Variants in FERMT1 observed in about 807,000 individuals in gnomAD.
FERMT1 encodes fermitin family homolog 1.
Under a neutral mutation model 85.3 loss-of-function variants are expected in FERMT1, and 60 were observed. The ratio of observed to expected loss-of-function variants is 0.70; its 90% CI spans 0.57 to 0.87. FERMT1 has a LOEUF of 0.87. FERMT1 is among the 40% of genes least tolerant of loss of function. FERMT1 has a pLI of 0.00. For synonymous variants in FERMT1, 275 were observed against 301.1 expected (o/e 0.91, Z 0.90); for missense variants, 701 against 818.9 (o/e 0.86, Z 1.76).
At chr20:6,112,743 C>T in intron 3 of FERMT1, 120 bp from the exon 4 acceptor site, 2 of 669,816 alleles carry the variant, frequency 3.0e-6, no homozygotes, top group Non-Finnish European at 4.8e-6. Flanking sequence ...GTAAATGGGA[C>T]TAAACTGCAT....
rs200769383 is a variant in FERMT1 at position 6,084,071 on chromosome 20, G to A, written c.1687C>T (p.Pro563Ser). The A allele has an allele frequency of 5.0e-6, 8 of 1,614,128 alleles. No individual in the cohort carries two copies. The South Asian group carries it at 7.7e-5, about 16-fold the overall frequency. ...AGGTAGTAGGTGAGGCCAAACTCAG[G>A]CAGTGACTGCCACGCCTGGATGAAC... ...LRFIQAWQSL[P>S]EFGLTYYLVR... Residue 563 changes from proline (P) to serine (S), a missense_variant, in exon 13 of 15, where the codon CCT becomes TCT. Coordinates refer to ENST00000217289, the MANE Select transcript of FERMT1 (RefSeq NM_017671.5).
intron 6 of FERMT1, among the ~76,000 whole-genome samples, chr20:6,102,263 T>A (rs1174694985): frequency 6.6e-6 from 1 of 152,098 alleles, no homozygotes; most frequent in Non-Finnish European, 1.5e-5. Flanking sequence ...CCTATAGGAC[T>A]TCCCCCCAAT....
intron 2 of FERMT1, among the ~76,000 whole-genome samples, chr20:6,116,729 CA>C (rs58183881): frequency 4.4e-4 from 62 of 140,840 alleles, no homozygotes; most frequent in South Asian, 4.6e-4. Context: ...ATCTCTGTCT[CA>C]AAAAAAAAAA....
chr20:6,095,566 G>A (rs1386190561), intron 8 of FERMT1, among the ~76,000 whole-genome samples: 1 of 152,188 alleles, frequency 6.6e-6, no homozygotes, highest in Admixed American at 6.5e-5. Flanking sequence ...ATGTAGGCTG[G>A]TGCCTGTTTT....
chr20:6,087,633 G>A (rs1274074929), intron 11 of FERMT1, 144 bp downstream of exon 11: 2 of 705,616 alleles, frequency 2.8e-6, no homozygotes, highest in Middle Eastern at 2.9e-4. Flanking sequence ...GAATGTCATT[G>A]TGATTTTGTT....
chr20:6,115,520 C>A (rs75910246), intron 3 of FERMT1, among the ~76,000 whole-genome samples: 7 of 152,144 alleles, frequency 4.6e-5, no homozygotes, highest in African/African-American at 1.7e-4. Context: ...TTGAGTATAG[C>A]TTGGATCAAT....
intron 4 of FERMT1, 42 bp from the exon 5 acceptor site, chr20:6,110,553 G>C: frequency 7.0e-7 from 1 of 1,431,010 alleles, no homozygotes; most frequent in South Asian, 1.1e-5. Context: ...TGAGAATCCA[G>C]GGATATAAAT....
intron 9 of FERMT1, chr20:6,094,261 G>A (rs1982443452): frequency 6.6e-6 from 1 of 152,256 alleles, no homozygotes; most frequent in Admixed American, 6.5e-5. Context: ...ACTTCAAAGA[G>A]CCTTGTTTCT....
At chr20:6,077,518 C>A (rs1315375706) in intron 14 of FERMT1, among the ~76,000 whole-genome samples, 172 bp from the exon 15 acceptor site, 4 of 152,102 alleles carry the variant, frequency 2.6e-5, no homozygotes, top group African/African-American at 9.7e-5. Context: ...CAGAAAACAT[C>A]TTTGCTCTCT....
intron 6 of FERMT1, among the ~76,000 whole-genome samples, chr20:6,099,898 C>A (rs1353752383): frequency 6.7e-6 from 1 of 148,632 alleles, no homozygotes; most frequent in African/African-American, 2.5e-5. Context: ...ACTCAGGAGG[C>A]TGAGGTGGGA....
At chr20:6,082,546 T>A (rs1167604859) in intron 13 of FERMT1, among the ~76,000 whole-genome samples, 1 of 152,254 alleles carries the variant, frequency 6.6e-6, no homozygotes, top group Non-Finnish European at 1.5e-5. Flanking sequence ...CCGCGCTTCC[T>A]CACTCCTTTG....
At chr20:6,084,498 A>G (rs552658568) in intron 12 of FERMT1, among the ~76,000 whole-genome samples, 2 of 152,252 alleles carry the variant, frequency 1.3e-5, no homozygotes, top group African/African-American at 4.8e-5. Flanking sequence ...ACTCCTATAG[A>G]AGCATAATTT....
intron 6 of FERMT1, among the ~76,000 whole-genome samples, chr20:6,101,483 G>A (rs893166553): frequency 6.6e-6 from 1 of 152,014 alleles, no homozygotes; most frequent in African/African-American, 2.4e-5. Flanking sequence ...ACTTATCTAG[G>A]GAACACAAAG....
At chr20:6,107,990 C>T (rs554062972) in intron 5 of FERMT1, among the ~76,000 whole-genome samples, 126 of 152,284 alleles carry the variant, frequency 8.3e-4, no homozygotes, top group African/African-American at 3.0e-3. Context: ...CTCAGCCTCA[C>T]GAGTAGCTGG....
intron 6 of FERMT1, among the ~76,000 whole-genome samples, chr20:6,106,315 G>A (rs1982796074): frequency 6.6e-6 from 1 of 152,116 alleles, no homozygotes; most frequent in African/African-American, 2.4e-5. Context: ...TGGCAGTTGG[G>A]GAAACAGTGG....
intron 9 of FERMT1, among the ~76,000 whole-genome samples, chr20:6,090,873 G>A (rs1982336686): frequency 6.6e-6 from 1 of 151,964 alleles, no homozygotes. Context: ...TATTAAAATA[G>A]TATTTATTTG....
intron 13 of FERMT1, among the ~76,000 whole-genome samples, chr20:6,079,778 A>G (rs113866545): frequency 1.3e-5 from 2 of 152,256 alleles, no homozygotes; most frequent in African/African-American, 4.8e-5. Flanking sequence ...TATCCTGCAG[A>G]TGGTCTTTAA....
At chr20:6,106,433 A>G (rs1326899890) in intron 6 of FERMT1, among the ~76,000 whole-genome samples, 1 of 151,654 alleles carries the variant, frequency 6.6e-6, no homozygotes, top group African/African-American at 2.4e-5. Context: ...GGGTCTGTAC[A>G]GAAAGGCTGA....
intron 13 of FERMT1, among the ~76,000 whole-genome samples, chr20:6,081,462 C>T (rs1192059385): frequency 6.6e-6 from 1 of 152,044 alleles, no homozygotes; most frequent in Non-Finnish European, 1.5e-5. Context: ...GTGTCAAATG[C>T]TGCGGAGAGG....
Sources: gnomAD v4.1 joint callset for allele counts (sites outside exome capture counted in the v4.1 genomes callset) on GRCh38, gnomAD v4.1.1 for gene constraint, MANE v1.5 for transcripts, NCBI Gene and HGNC (gene_info 2026-07-23, HGNC 2026-07-21) for gene names.